The following ICE2 variants were observed in gnomAD, a reference collection of about 807,000 sequenced individuals.
The protein encoded by ICE2 is little elongation complex subunit 2.
ICE2 carries 87 observed loss-of-function variants against 105.4 expected under a neutral mutation model. The observed-to-expected ratio is 0.83, with a 90% CI of 0.69 to 0.99. The LOEUF is 0.99. ICE2 is among the 50% of genes least tolerant of loss of function. ICE2 has a pLI of 0.00. For missense variants in ICE2, 1,323 were observed against 1,146.7 expected (o/e 1.15, Z -2.22); for synonymous variants, 399 against 392.0 (o/e 1.02, Z -0.21).
chr15:60,459,258 C>T (rs1379822210), intron 5 of ICE2, among the ~76,000 whole-genome samples: 1 of 152,098 alleles, frequency 6.6e-6, no homozygotes, highest in African/African-American at 2.4e-5. Flanking sequence ...TTATGAAACT[C>T]TAAAACACCA....
intron 11 of ICE2, among the ~76,000 whole-genome samples, chr15:60,444,750 T>A (rs922686779): frequency 2.0e-5 from 3 of 152,130 alleles, no homozygotes; most frequent in African/African-American, 7.2e-5. Context: ...AATGACGCAA[T>A]CTCAGCTCAC....
chr15:60,429,830 T>C (rs34800284), intron 14 of ICE2, among the ~76,000 whole-genome samples: 14,526 of 152,146 alleles, frequency 0.095, 900 homozygotes, highest in Middle Eastern at 0.21. Flanking sequence ...ATTTCAAAGA[T>C]TGAGTTTTAA....
chr15:60,426,643 A>T (rs775939930), intron 15 of ICE2, among the ~76,000 whole-genome samples: 2 of 152,222 alleles, frequency 1.3e-5, no homozygotes, highest in Non-Finnish European at 2.9e-5. Context: ...GTCAGTCTAT[A>T]TCAATAAGGA....
intron 4 of ICE2, among the ~76,000 whole-genome samples, chr15:60,466,947 G>C (rs915451246): frequency 3.9e-5 from 6 of 152,142 alleles, no homozygotes; most frequent in African/African-American, 1.4e-4. Context: ...CTCAGGAACT[G>C]AGAAGTTGAT....
chr15:60,468,961 T>C (rs1315767919), intron 3 of ICE2, among the ~76,000 whole-genome samples: 1 of 152,214 alleles, frequency 6.6e-6, no homozygotes, highest in East Asian at 1.9e-4. Context: ...AGAAAAATCC[T>C]GGCGTATCGT....
At chr15:60,439,095 G>A (rs924649814) in intron 12 of ICE2, 2 of 152,204 alleles carry the variant, frequency 1.3e-5, no homozygotes, top group Non-Finnish European at 2.9e-5. Flanking sequence ...TGCATGCAGT[G>A]TGAGGACCAT....
intron 13 of ICE2, among the ~76,000 whole-genome samples, 165 bp from the exon 14 acceptor site, chr15:60,432,149 T>C (rs113785774): frequency 1.3e-5 from 2 of 151,280 alleles, no homozygotes; most frequent in African/African-American, 4.9e-5. Context: ...GATTAAATTA[T>C]GATATTTACT....
intron 11 of ICE2, among the ~76,000 whole-genome samples, chr15:60,446,481 C>T (rs2063824965): frequency 1.3e-5 from 2 of 152,082 alleles, no homozygotes; most frequent in Non-Finnish European, 2.9e-5. Context: ...CTGCAAGCTC[C>T]GCCTCCCAGG....
Position 60,420,983 on chromosome 15 carries a change from T to C in ICE2, c.*2651A>G, listed in dbSNP as rs2063237635. 1 of 151,634 alleles carries C rather than the reference T, an allele frequency of 6.6e-6. No homozygotes were observed. The allele number at this position is 151,634 out of a possible 1,614,324, so 9.4% of individuals were successfully genotyped here. A position where few individuals can be genotyped will look rare whatever the true frequency, so the allele number is the denominator to read the frequency against. On this transcript the variant is annotated 3_prime_UTR_variant, in exon 16 of 16. Coordinates refer to ENST00000261520, the MANE Select transcript of ICE2 (RefSeq NM_024611.6). ...CTGTCCTTGCAGAGCTTGTAATCTATAAGAAAAGAAAATCAAAGAAACAAA... is the reference window on the plus strand; with the variant it reads ...CTGTCCTTGCAGAGCTTGTAATCTACAAGAAAAGAAAATCAAAGAAACAAA...
Position 60,453,620 on chromosome 15 carries a change from ACT to A in ICE2, c.1106_1107del (p.Glu369ValfsTer4), listed in dbSNP as rs1239242244. Reference sequence around the variant, plus strand: ...TTACATACGTCCATTTCAGATATAAACTCTTCAGGTTTGTCCATAAAGACTGC... The same window carrying A: ...TTACATACGTCCATTTCAGATATAAACTTCAGGTTTGTCCATAAAGACTGC... ...VSAVFMDKPE[E>X]FISEMDMSCE... On this transcript the variant is annotated frameshift_variant, in exon 9 of 16. Transcript: ENST00000261520. LOFTEE classifies it high-confidence loss of function. 1.4e-5 allele frequency: 22 copies of A among 1,613,290 alleles called. No individual in the cohort carries two copies. Among genetic ancestry groups the A allele is most frequent in the Non-Finnish European group, 1.9e-5 (22 of 1,179,528 alleles).
At position 60,421,107 on chromosome 15, in the gene ICE2, A is replaced by C. The variant is rs191979940; in HGVS notation, c.*2527T>G. On this transcript the variant is annotated 3_prime_UTR_variant, in exon 16 of 16. Transcript: ENST00000261520. ...CATAGTTGCACTCACTTACTGAATT[A>C]AACTGTTTTCAAAGAGGTGTGTATA... The C allele has an allele frequency of 3.5e-4, 54 of 152,268 alleles. No individual in the cohort carries two copies. The highest frequency in any genetic ancestry group is 1.3e-3 in the African/African-American group (52 of 41,542). 9.4% of individuals were successfully genotyped at this position (152,268 alleles called of 1,614,324 possible).
chr15:60,450,680 G>A (rs1434807888), intron 9 of ICE2, among the ~76,000 whole-genome samples: 1 of 152,144 alleles, frequency 6.6e-6, no homozygotes, highest in Admixed American at 6.5e-5. Flanking sequence ...AGATCAACTC[G>A]TGTAAGTTAC....
chr15:60,475,645 G>A (rs980357281), intron 3 of ICE2, among the ~76,000 whole-genome samples: 3 of 152,000 alleles, frequency 2.0e-5, no homozygotes, highest in Non-Finnish European at 4.4e-5. Flanking sequence ...CAGTTTTATA[G>A]TATATTTTTA....
At chr15:60,461,348 G>A (rs1177350069) in intron 5 of ICE2, among the ~76,000 whole-genome samples, 1 of 151,872 alleles carries the variant, frequency 6.6e-6, no homozygotes, top group South Asian at 2.1e-4. Context: ...AAACTTTACG[G>A]CTTAATAAAA....
chr15:60,451,237 A>C, intron 9 of ICE2: 2 of 597,068 alleles, frequency 3.3e-6, no homozygotes, highest in Non-Finnish European at 4.2e-6. Context: ...ATAAACGATG[A>C]GAATATATAT....
At chr15:60,476,223 A>G in intron 2 of ICE2, 56 bp from the exon 3 acceptor site, 1 of 1,039,162 alleles carries the variant, frequency 9.6e-7, no homozygotes, top group Non-Finnish European at 1.5e-6. Context: ...ATGCTAGACT[A>G]TGACACATAA....
At position 60,453,586 on chromosome 15, in the gene ICE2, A is replaced by G; in HGVS notation, c.1125+17T>C. The G allele has an allele frequency of 6.2e-7, 1 of 1,609,976 alleles. No homozygotes were observed. The highest frequency in any genetic ancestry group is 8.5e-7 in the Non-Finnish European group (1 of 1,178,802). ...ACAAGTACATTCCCCTTAGGGGAAAAAAAAAGCATTACATACGTCCATTTC... is the reference window on the plus strand; with the variant it reads ...ACAAGTACATTCCCCTTAGGGGAAAGAAAAAGCATTACATACGTCCATTTC... On this transcript the variant is annotated intron_variant, in intron 9 of 15. Transcript: ENST00000261520.
intron 11 of ICE2, among the ~76,000 whole-genome samples, chr15:60,447,283 G>A (rs553564093): frequency 1.3e-5 from 2 of 152,216 alleles, no homozygotes; most frequent in South Asian, 2.1e-4. Context: ...AAAAGAACTC[G>A]AGTTCACATG....
At chr15:60,442,226 G>C in intron 12 of ICE2, 190 bp downstream of exon 12, 2 of 475,330 alleles carry the variant, frequency 4.2e-6, no homozygotes, top group Non-Finnish European at 7.2e-6. Context: ...CCAGGAGTTT[G>C]AGGTTACAGT....
Sources: gnomAD v4.1 joint callset for allele counts (sites outside exome capture counted in the v4.1 genomes callset) on GRCh38, gnomAD v4.1.1 for gene constraint, MANE v1.5 for transcripts, NCBI Gene and HGNC (gene_info 2026-07-23, HGNC 2026-07-21) for gene names.